NR3C2: variants seen among roughly 807,000 people sequenced by gnomAD.
NR3C2 encodes nuclear receptor subfamily 3 group C member 2.
Under a neutral mutation model 86.4 loss-of-function variants are expected in NR3C2, and 15 were observed. That is an observed-to-expected ratio of 0.17 (90% CI 0.12 to 0.27). The LOEUF (loss-of-function observed/expected upper bound fraction) is 0.27, where lower values mean the gene tolerates loss of function less well. Ranked by LOEUF, NR3C2 falls within the 10% of genes least tolerant of loss-of-function variation. The probability of loss-of-function intolerance (pLI) is 1.00; values close to 1 mark genes in which losing one functional copy is unlikely to be tolerated. For synonymous variants in NR3C2, 458 were observed against 450.5 expected, an observed-to-expected ratio of 1.02 and a Z score of -0.21; for missense variants, 960 against 1,195.6, an observed-to-expected ratio of 0.80 and a Z score of 2.91.
chr4:148,167,376 C>A (rs557929762), intron 4 of NR3C2, among the ~76,000 whole-genome samples: 1 of 152,280 alleles, frequency 6.6e-6, no homozygotes, highest in African/African-American at 2.4e-5. Flanking sequence ...AATTTCAACC[C>A]CCAAATTTAA....
At chr4:148,262,845 C>A (rs1016535455) in intron 2 of NR3C2, among the ~76,000 whole-genome samples, 2 of 152,164 alleles carry the variant, frequency 1.3e-5, no homozygotes, top group African/African-American at 4.8e-5. Flanking sequence ...CTCTTTCTCT[C>A]ACACAACACC....
intron 3 of NR3C2, among the ~76,000 whole-genome samples, chr4:148,196,623 A>C (rs1736453042): frequency 6.6e-6 from 1 of 152,240 alleles, no homozygotes. Flanking sequence ...TAAATACTCA[A>C]TAAAAATAAT....
At chr4:148,372,322 C>T (rs13137655) in intron 2 of NR3C2, among the ~76,000 whole-genome samples, 61,137 of 151,924 alleles carry the variant, frequency 0.4, 14,319 homozygotes, top group East Asian at 0.75. Context: ...ATACTCTTAT[C>T]TTGTTTTTAA....
chr4:148,117,610 A>G (rs1041665086), intron 7 of NR3C2, among the ~76,000 whole-genome samples: 2 of 152,176 alleles, frequency 1.3e-5, no homozygotes, highest in Non-Finnish European at 2.9e-5. Flanking sequence ...TAGATAATAT[A>G]TGGAAAAACA....
At chr4:148,122,920 G>A (rs192721819) in intron 6 of NR3C2, among the ~76,000 whole-genome samples, 42 of 152,252 alleles carry the variant, frequency 2.8e-4, no homozygotes, top group African/African-American at 6.5e-4. Context: ...GAATAACAGC[G>A]ATTTTTAGGG....
At chr4:148,323,604 G>A (rs572432583) in intron 2 of NR3C2, among the ~76,000 whole-genome samples, 4 of 152,112 alleles carry the variant, frequency 2.6e-5, no homozygotes, top group East Asian at 3.9e-4. Flanking sequence ...TCAGCCCGTC[G>A]GAAAAGCGCA....
At chr4:148,356,443 G>A (rs1346860836) in intron 2 of NR3C2, among the ~76,000 whole-genome samples, 2 of 152,094 alleles carry the variant, frequency 1.3e-5, no homozygotes, top group South Asian at 2.1e-4. Context: ...TAGACATCTG[G>A]GGGAGAAAAA....
At chr4:148,245,352 A>G (rs1739268318) in intron 3 of NR3C2, among the ~76,000 whole-genome samples, 1 of 152,194 alleles carries the variant, frequency 6.6e-6, no homozygotes, top group African/African-American at 2.4e-5. Flanking sequence ...TCCTAGGGCC[A>G]GGAGTGTCAC....
intron 2 of NR3C2, among the ~76,000 whole-genome samples, chr4:148,309,768 A>G (rs1742817617): frequency 6.6e-6 from 1 of 152,180 alleles, no homozygotes; most frequent in Non-Finnish European, 1.5e-5. Flanking sequence ...GATTATGGGG[A>G]TTGTCCAAGT....
At chr4:148,363,272 C>CAT (rs1745931508) in intron 2 of NR3C2, among the ~76,000 whole-genome samples, 1 of 152,056 alleles carries the variant, frequency 6.6e-6, no homozygotes, top group East Asian at 1.9e-4. Context: ...GGGCTGTTGG[C>CAT]GTTGTCTGAA....
rs756240968 is a variant in NR3C2, at chr4:148,436,333, G to T, written c.528C>A (p.Val176=). 4.3e-6 allele frequency: 7 copies of T among 1,614,184 alleles called. No individual in the cohort carries two copies. Among genetic ancestry groups the T allele is most frequent in the Non-Finnish European group, 5.1e-6 (6 of 1,180,038 alleles). ...SDSGSSVNGG[V]MRAVVKSPIM... ...TAGGGCTTTTAACAACGGCGCGCAT[G>T]ACGCCACCATTCACGGAGCTCCCAG... The change falls in exon 2 of 9, where the codon GTC becomes GTA. Residue 176 remains valine, a synonymous_variant. Coordinates refer to ENST00000358102, the MANE Select transcript of NR3C2 (RefSeq NM_000901.5).
chr4:148,175,547 T>C (rs537905723), intron 4 of NR3C2, among the ~76,000 whole-genome samples: 3 of 152,350 alleles, frequency 2.0e-5, no homozygotes, highest in Non-Finnish European at 2.9e-5. Context: ...AATATGAGTA[T>C]ATATAGGATA....
chr4:148,145,022 G>T (rs1484107902), intron 6 of NR3C2, among the ~76,000 whole-genome samples: 7 of 152,142 alleles, frequency 4.6e-5, no homozygotes, highest in Non-Finnish European at 7.4e-5. Flanking sequence ...CGACCCTCAG[G>T]TCAGGCAGTT....
chr4:148,101,748 A>T (rs572131618), intron 8 of NR3C2, among the ~76,000 whole-genome samples: 5 of 152,192 alleles, frequency 3.3e-5, no homozygotes, highest in Non-Finnish European at 7.3e-5. Flanking sequence ...AAACACAAAG[A>T]CATTGTATAT....
chr4:148,414,524 CT>C (rs1308766732), intron 2 of NR3C2, among the ~76,000 whole-genome samples: 1 of 152,190 alleles, frequency 6.6e-6, no homozygotes, highest in Non-Finnish European at 1.5e-5. Context: ...GATATGGCCT[CT>C]GTTCAGTTCA....
rs61763770 is a variant in NR3C2, at chr4:148,376,879, A to G, written c.1757+58225T>C. Among the ~76,000 whole-genome samples the G allele has an allele frequency of 3.0e-3, 456 of 152,332 alleles. 3 individuals carry two copies. The highest frequency in any genetic ancestry group is 4.7e-3 in the Non-Finnish European group (318 of 68,022). ...ATGAAAACTTAGTTTTATAACCAAC[A>G]TATTAAAATCAACAACAAAAACTCT... On this transcript the variant is annotated intron_variant, in intron 2 of 8. Coordinates refer to ENST00000358102, the MANE Select transcript of NR3C2 (RefSeq NM_000901.5).
chr4:148,188,909 G>A lies in NR3C2; in HGVS notation c.2014+5837C>T, dbSNP rs375571842. ...TTTATTACATTAAGGTATATACCTT[G>A]TATGCCGATTTTGCTGAGTTTTTTT... On this transcript the variant is annotated intron_variant, in intron 4 of 8. Transcript: ENST00000358102. Among the ~76,000 whole-genome samples, 11 of 148,368 alleles carry A rather than the reference G, an allele frequency of 7.4e-5. No homozygotes were observed. The East Asian group carries it at 1.4e-3, about 19-fold the overall frequency.
At chr4:148,087,071 A>T (rs1730847541) in intron 8 of NR3C2, among the ~76,000 whole-genome samples, 1 of 152,234 alleles carries the variant, frequency 6.6e-6, no homozygotes, top group African/African-American at 2.4e-5. Flanking sequence ...ACTTCAGCAA[A>T]GTCTCAGGAT....
At chr4:148,270,077 ATTT>A (rs11303019) in intron 2 of NR3C2, among the ~76,000 whole-genome samples, 2 of 145,926 alleles carry the variant, frequency 1.4e-5, no homozygotes. Flanking sequence ...TGATTTCAGC[ATTT>A]TTTTTTTTTT....
Sources: gnomAD v4.1 joint callset for allele counts (sites outside exome capture counted in the v4.1 genomes callset) on GRCh38, gnomAD v4.1.1 for gene constraint, MANE v1.5 for transcripts, NCBI Gene and HGNC (gene_info 2026-07-23, HGNC 2026-07-21) for gene names.